Variants in ARHGEF37 observed in about 807,000 individuals in gnomAD.
ARHGEF37 encodes the protein Rho guanine nucleotide exchange factor (GEF) 37.
In ARHGEF37, 55 loss-of-function variants were observed where a neutral mutation model predicts 71.1. That is an observed-to-expected ratio of 0.77 (90% CI 0.62 to 0.97). ARHGEF37 has a LOEUF of 0.97. ARHGEF37 is among the 50% of genes least tolerant of loss of function. The probability of loss-of-function intolerance (pLI) is 0.00; values close to 1 mark genes in which losing one functional copy is unlikely to be tolerated. For missense variants in ARHGEF37, 765 were observed against 836.8 expected, an observed-to-expected ratio of 0.91 and a Z score of 1.06; for synonymous variants, 327 against 350.6, an observed-to-expected ratio of 0.93 and a Z score of 0.75.
chr5:149,608,902 T>C (rs1763992159), intron 3 of ARHGEF37, among the ~76,000 whole-genome samples: 1 of 151,988 alleles, frequency 6.6e-6, no homozygotes, highest in African/African-American at 2.4e-5. Flanking sequence ...ATAAAATGAG[T>C]GGCCAGGAGT....
At chr5:149,563,797 A>G (rs1304950852) in intron 1 of ARHGEF37, among the ~76,000 whole-genome samples, 1 of 152,132 alleles carries the variant, frequency 6.6e-6, no homozygotes, top group Non-Finnish European at 1.5e-5. Flanking sequence ...ATCACTGTAG[A>G]CTTTCAGATG....
chr5:149,616,838 T>C lies in ARHGEF37; in HGVS notation c.658+72T>C, dbSNP rs530825575. On this transcript the variant is annotated intron_variant, in intron 5 of 12. Transcript: ENST00000333677. ...AGTTACAGAAAATTTATCTAAAATC[T>C]GCTTCACCAGTAAAGAGAATGTAGT... The C allele has an allele frequency of 1.8e-3, 2,636 of 1,432,450 alleles. 7 individuals are homozygous for C. Among genetic ancestry groups the C allele is most frequent in the Non-Finnish European group, 2.3e-3 (2,447 of 1,045,702 alleles). The allele number at this position is 1,432,450 out of a possible 1,614,324, so 88.7% of individuals were successfully genotyped here.
In ARHGEF37 at chr5:149,560,438, G is replaced by T. The variant is rs548196828; in HGVS notation, c.-12+8315G>T. Among the ~76,000 whole-genome samples the T allele has an allele frequency of 1.1e-4, 17 of 152,104 alleles. No individual in the cohort carries two copies. The East Asian group carries it at 3.3e-3, about 29-fold the overall frequency. ...CTATATTATTCTTAAAAATTATTTT[G>T]GGGTGGGAGAAGAGAAACCAAATTA... On this transcript the variant is annotated intron_variant, in intron 1 of 2. Coordinates refer to the ARHGEF37 transcript ENST00000505810.
At chr5:149,557,168 T>C (rs1007847153) in intron 1 of ARHGEF37, among the ~76,000 whole-genome samples, 1 of 152,144 alleles carries the variant, frequency 6.6e-6, no homozygotes, top group African/African-American at 2.4e-5. Flanking sequence ...AAACATTTAA[T>C]AGGGACTTCG....
chr5:149,606,581 T>G (rs1344667832), intron 3 of ARHGEF37: 5 of 152,180 alleles, frequency 3.3e-5, no homozygotes, highest in African/African-American at 1.2e-4. Flanking sequence ...CCCTCACCAC[T>G]TCCTCTCAAG....
At chr5:149,585,761 C>T (rs1220811164) in intron 1 of ARHGEF37, among the ~76,000 whole-genome samples, 3 of 152,192 alleles carry the variant, frequency 2.0e-5, no homozygotes, top group East Asian at 1.9e-4. Flanking sequence ...TCAAGTGATC[C>T]GCCTGCCTTG....
chr5:149,560,592 T>G (rs1032165115), intron 1 of ARHGEF37, among the ~76,000 whole-genome samples: 2 of 152,210 alleles, frequency 1.3e-5, no homozygotes, highest in Non-Finnish European at 2.9e-5. Flanking sequence ...TGTTGTAATC[T>G]TTTAAAAGAT....
chr5:149,590,438 T>A (rs1043428661), intron 1 of ARHGEF37, among the ~76,000 whole-genome samples: 6 of 151,676 alleles, frequency 4.0e-5, no homozygotes, highest in Middle Eastern at 3.4e-3. Flanking sequence ...CACACCAACA[T>A]GCCTGGCTAA....
rs1752504343 is a variant in ARHGEF37 at position 149,620,383 on chromosome 5, C to T, written c.924C>T (p.Tyr308=). The T allele has an allele frequency of 6.2e-7, 1 of 1,612,330 alleles. No individual in the cohort carries two copies. Among genetic ancestry groups the T allele is most frequent in the African/African-American group, 1.3e-5 (1 of 74,904 alleles). The part of the protein sequence containing the change: ...QAFLYFRPHE[Y]NLDIPEGPAV... Reference sequence around the variant, plus strand: ...TCCTCTACTTCAGGCCGCACGAATACAATCTGGACATCCCCGAGGGGCCTG... The same window carrying T: ...TCCTCTACTTCAGGCCGCACGAATATAATCTGGACATCCCCGAGGGGCCTG... Residue 308 remains tyrosine, a synonymous_variant, in exon 8 of 13, where the codon TAC becomes TAT. Transcript: ENST00000333677.
intron 1 of ARHGEF37, among the ~76,000 whole-genome samples, chr5:149,591,189 C>T (rs1367900574): frequency 6.6e-6 from 1 of 150,720 alleles, no homozygotes; most frequent in Non-Finnish European, 1.5e-5. Context: ...CCTCCTGCCT[C>T]AGCCTCCTGA....
intron 11 of ARHGEF37, among the ~76,000 whole-genome samples, chr5:149,627,559 C>G (rs974085931): frequency 6.6e-6 from 1 of 152,228 alleles, no homozygotes; most frequent in Non-Finnish European, 1.5e-5. Context: ...CCTGGAGGGC[C>G]TTGCAGACCA....
At chr5:149,617,807 C>A (rs1247705517) in intron 5 of ARHGEF37, among the ~76,000 whole-genome samples, 1 of 152,158 alleles carries the variant, frequency 6.6e-6, no homozygotes, top group African/African-American at 2.4e-5. Flanking sequence ...TGGCCTGGCT[C>A]AAAGTGGCTG....
At chr5:149,614,567 G>A (rs1752322920) in intron 4 of ARHGEF37, among the ~76,000 whole-genome samples, 1 of 152,156 alleles carries the variant, frequency 6.6e-6, no homozygotes, top group African/African-American at 2.4e-5. Flanking sequence ...AATTTGTGAG[G>A]CGATAGTTGT....
chr5:149,555,339 TG>T (rs1399876349), intron 1 of ARHGEF37, among the ~76,000 whole-genome samples: 2 of 152,144 alleles, frequency 1.3e-5, no homozygotes, highest in Admixed American at 1.3e-4. Flanking sequence ...AGTCTCACTC[TG>T]TCACCCAGGC....
chr5:149,568,208 G>A (rs1762920365), intron 1 of ARHGEF37, among the ~76,000 whole-genome samples: 1 of 151,846 alleles, frequency 6.6e-6, no homozygotes. Flanking sequence ...TGTTTATTTT[G>A]TAGAGACAGG....
At chr5:149,552,218 C>CAAAAAAAAAAAAAAA (rs58298279) in intron 1 of ARHGEF37, 1 of 72,760 alleles carries the variant, frequency 1.4e-5, no homozygotes, top group African/African-American at 4.6e-5. Context: ...TCAACCCCAC[C>CAAAAAAAAAAAAAAA]AAAAAAAAAA....
At chr5:149,580,761 G>A (rs574378297), upstream of ARHGEF37, among the ~76,000 whole-genome samples, 8 of 152,268 alleles carry the variant, frequency 5.3e-5, no homozygotes, top group South Asian at 1.2e-3. Context: ...CCCTAAAAAT[G>A]AAAATAAGAA....
chr5:149,578,974 G>A (rs542264532), upstream of ARHGEF37, among the ~76,000 whole-genome samples: 4 of 152,306 alleles, frequency 2.6e-5, no homozygotes, highest in Admixed American at 6.5e-5. Flanking sequence ...TAGAATCAGA[G>A]AAACATCAGT....
chr5:149,551,715 G>C (rs1185208534), upstream of ARHGEF37, among the ~76,000 whole-genome samples: 1 of 152,264 alleles, frequency 6.6e-6, no homozygotes, highest in Non-Finnish European at 1.5e-5. Flanking sequence ...CCCCGGCCTT[G>C]ATATTGGGAG....
Sources: gnomAD v4.1 joint callset for allele counts (sites outside exome capture counted in the v4.1 genomes callset) on GRCh38, gnomAD v4.1.1 for gene constraint, MANE v1.5 for transcripts, NCBI Gene and HGNC (gene_info 2026-07-23, HGNC 2026-07-21) for gene names.